The following ASAP2 variants were observed in gnomAD, a reference collection of about 807,000 sequenced individuals.
The protein encoded by ASAP2 is ArfGAP with SH3 domain, ankyrin repeat and PH domain 2.
ASAP2 carries 45 observed loss-of-function variants against 131.4 expected under a neutral mutation model. The observed-to-expected ratio is 0.34, with a 90% CI of 0.27 to 0.44. ASAP2 has a LOEUF of 0.44. Ranked by LOEUF, ASAP2 falls within the 20% of genes least tolerant of loss-of-function variation. The pLI is 1.00. For missense variants in ASAP2, 1,011 were observed against 1,297.0 expected, an observed-to-expected ratio of 0.78 and a Z score of 3.39; for synonymous variants, 510 against 503.0, an observed-to-expected ratio of 1.01 and a Z score of -0.19.
intron 9 of ASAP2, among the ~76,000 whole-genome samples, chr2:9,343,532 G>A (rs774224487): frequency 6.6e-6 from 1 of 152,050 alleles, no homozygotes; most frequent in Non-Finnish European, 1.5e-5. Context: ...CTGCAACCTC[G>A]ATCTCCCAGG....
At chr2:9,395,136 G>A (rs1676013447) in intron 24 of ASAP2, among the ~76,000 whole-genome samples, 3 of 152,292 alleles carry the variant, frequency 2.0e-5, no homozygotes, top group African/African-American at 4.8e-5. Flanking sequence ...GGGCAGAGAG[G>A]ACTGTGGAGT....
chr2:9,334,754 C>A lies in ASAP2; in HGVS notation c.703C>A (p.Leu235Ile). 1 of 1,614,032 alleles carries A rather than the reference C, an allele frequency of 6.2e-7. No homozygotes were observed. The highest frequency in any genetic ancestry group is 8.5e-7 in the Non-Finnish European group (1 of 1,179,962). Residue 235 changes from leucine (L) to isoleucine (I), a missense_variant, in exon 8 of 28, where the codon CTC becomes ATC. This residue lies in a region of ASAP2 where 359 missense variants were observed against 598.1 expected (regional missense o/e 0.60). Transcript: ENST00000281419. ...TCCTGCTAGTTTTTTTCAGGATGGA[C>A]TCAAAGCCGTGGAAAGCCTCAAACC... ...HAQCNFFQDG[L>I]KAVESLKPSI...
rs940232830 is a variant in ASAP2 at position 9,350,899 on chromosome 2, A to T, written c.1111+4A>T. 1 of 1,604,154 alleles carries T rather than the reference A, an allele frequency of 6.2e-7. No individual in the cohort carries two copies. Among genetic ancestry groups the T allele is most frequent in the South Asian group, 1.1e-5 (1 of 89,724 alleles). On this transcript the variant is annotated splice_donor_region_variant and intron_variant, in intron 12 of 27. Coordinates refer to ENST00000281419, the MANE Select transcript of ASAP2 (RefSeq NM_003887.3). ...AAGTGCTTTGACCTCATTTCACGTAAGGCTCCCTCTGAGATGCCGCGCCAT... is the reference window on the plus strand; with the variant it reads ...AAGTGCTTTGACCTCATTTCACGTATGGCTCCCTCTGAGATGCCGCGCCAT...
At chr2:9,400,860 C>G (rs1202091586) in intron 26 of ASAP2, 30 bp downstream of exon 26, 1 of 1,595,652 alleles carries the variant, frequency 6.3e-7, no homozygotes, top group Non-Finnish European at 8.6e-7. Flanking sequence ...TCCTGCCTCT[C>G]TGCTCTAGCC....
chr2:9,211,686 G>A (rs1661571559), intron 1 of ASAP2, among the ~76,000 whole-genome samples: 1 of 152,194 alleles, frequency 6.6e-6, no homozygotes, highest in Non-Finnish European at 1.5e-5. Flanking sequence ...CTGCAGGGGT[G>A]GGGTGAGCAT....
chr2:9,398,159 T>TG (rs1048427344), intron 24 of ASAP2, among the ~76,000 whole-genome samples: 9 of 152,110 alleles, frequency 5.9e-5, no homozygotes, highest in African/African-American at 2.2e-4. Flanking sequence ...TTATGTAGTC[T>TG]GGGGCTGCTT....
intron 18 of ASAP2, 93 bp from the exon 19 acceptor site, chr2:9,378,851 C>T: frequency 1.2e-6 from 1 of 846,668 alleles, no homozygotes; most frequent in Non-Finnish European, 1.6e-6. Context: ...GTCTGCCTTT[C>T]CTGTGCCCGT....
intron 1 of ASAP2, among the ~76,000 whole-genome samples, chr2:9,245,727 G>A (rs148393859): frequency 9.5e-4 from 144 of 152,160 alleles, no homozygotes; most frequent in African/African-American, 3.3e-3. Flanking sequence ...CCTTCCTCCC[G>A]TCTCTGCAGT....
intron 3 of ASAP2, among the ~76,000 whole-genome samples, chr2:9,304,074 G>GGT (rs1159758300): frequency 6.6e-6 from 1 of 152,160 alleles, no homozygotes. Context: ...GAGCCCTGAG[G>GGT]GTACAGCATT....
At chr2:9,362,998 TTC>T (rs1437162695) in intron 15 of ASAP2, among the ~76,000 whole-genome samples, 45 of 152,338 alleles carry the variant, frequency 3.0e-4, no homozygotes, top group African/African-American at 1.0e-3. Context: ...TGCTCTCTAC[TTC>T]TATGAGTTCA....
In ASAP2 at chr2:9,207,714, C is replaced by G. The variant is rs937259225; in HGVS notation, c.126+484C>G. Reference sequence around the variant, plus strand: ...TCGGGTCCGCGGGTCCGGGGCATCCCGGGCTGCCCGGGAAGGCGTGCCCGC... The same window carrying G: ...TCGGGTCCGCGGGTCCGGGGCATCCGGGGCTGCCCGGGAAGGCGTGCCCGC... On this transcript the variant is annotated intron_variant, in intron 1 of 27. Coordinates refer to ENST00000281419, the MANE Select transcript of ASAP2 (RefSeq NM_003887.3). This position sits in a 1 kb window ranked among gnomAD's most constrained non-coding sequence, Gnocchi z 4.1. Among the ~76,000 whole-genome samples, 2 of 152,024 alleles carry G rather than the reference C, an allele frequency of 1.3e-5. No individual in the cohort carries two copies. The highest frequency in any genetic ancestry group is 4.1e-4 in the South Asian group (2 of 4,828).
chr2:9,286,447 A>AAAAAATATATATATATAT (rs58605449), intron 2 of ASAP2, among the ~76,000 whole-genome samples: 4 of 148,488 alleles, frequency 2.7e-5, no homozygotes, highest in Non-Finnish European at 4.4e-5. Context: ...GAAAAAAAAA[A>AAAAAATATATATATATAT]ATATATATAT....
At chr2:9,362,145 G>C (rs1424621504) in intron 15 of ASAP2, among the ~76,000 whole-genome samples, 1 of 152,190 alleles carries the variant, frequency 6.6e-6, no homozygotes, top group East Asian at 1.9e-4. Flanking sequence ...GGCCATGCAT[G>C]GTCTGTCTGG....
intron 12 of ASAP2, among the ~76,000 whole-genome samples, chr2:9,351,863 G>A (rs189112980): frequency 2.0e-3 from 307 of 152,184 alleles, no homozygotes; most frequent in African/African-American, 7.3e-3. Flanking sequence ...CTCTGGGGAG[G>A]GTTGAGCACT....
At chr2:9,259,992 T>A (rs1301022542) in intron 1 of ASAP2, among the ~76,000 whole-genome samples, 4 of 151,966 alleles carry the variant, frequency 2.6e-5, no homozygotes, top group Admixed American at 1.3e-4. Context: ...TCTGGGAAAC[T>A]CTGTGGTTGA....
chr2:9,220,431 A>G (rs1230557101), intron 1 of ASAP2, among the ~76,000 whole-genome samples: 1 of 152,148 alleles, frequency 6.6e-6, no homozygotes, highest in African/African-American at 2.4e-5. Context: ...GTGGGTGTGA[A>G]GTGGTGGGTT....
In ASAP2 at chr2:9,297,305, G is replaced by A. The variant is rs1383789621; in HGVS notation, c.205G>A (p.Val69Met). Residue 69 changes from valine (V) to methionine (M), a missense_variant, in exon 3 of 28, where the codon GTG becomes ATG. Val to Met is a conservative substitution (Grantham distance 21). Around this residue, in one of 2 missense-constraint regions of ASAP2, gnomAD observed 359 missense variants for 598.1 expected, o/e 0.60. Transcript: ENST00000281419. ...CCTCCGTCATTCTGTTGCAGCTCAC[G>A]TGGAAAATGAAGAGCAGTACACCCA... ...KAINSSGLAHVENEEQYTQAL... is the reference protein window; with the variant it reads ...KAINSSGLAHMENEEQYTQAL... 2 of 1,613,466 alleles carry A rather than the reference G, an allele frequency of 1.2e-6. No individual in the cohort carries two copies. Among genetic ancestry groups the A allele is most frequent in the South Asian group, 1.1e-5 (1 of 91,040 alleles).
At chr2:9,361,324 C>T (rs1673061281) in intron 15 of ASAP2, among the ~76,000 whole-genome samples, 1 of 152,200 alleles carries the variant, frequency 6.6e-6, no homozygotes, top group South Asian at 2.1e-4. Flanking sequence ...TCCCTGAGCT[C>T]TGGCTGGTCC....
intron 2 of ASAP2, among the ~76,000 whole-genome samples, chr2:9,290,749 C>T (rs921110768): frequency 2.0e-5 from 3 of 152,184 alleles, no homozygotes; most frequent in African/African-American, 7.2e-5. Flanking sequence ...GGGTCTGAGG[C>T]CCACTGCGAC....
Sources: allele counts gnomAD v4.1 joint callset (sites outside exome capture counted in the v4.1 genomes callset), GRCh38; gene constraint gnomAD v4.1.1; regional missense constraint gnomAD v4.1.1; non-coding constraint Gnocchi (gnomAD v3.1); transcripts MANE v1.5; gene names NCBI Gene and HGNC (gene_info 2026-07-23, HGNC 2026-07-21).